The following PPP1R21 variants were observed in gnomAD, a reference collection of about 807,000 sequenced individuals.
PPP1R21 encodes the protein KLRAQ motif containing 1.
In PPP1R21, 85 loss-of-function variants were observed where a neutral mutation model predicts 112.8. The observed-to-expected ratio is 0.75, with a 90% CI of 0.63 to 0.90. The LOEUF (loss-of-function observed/expected upper bound fraction) is 0.90, where lower values mean the gene tolerates loss of function less well. Among genes scored for constraint, PPP1R21 ranks in the 40% least tolerant of loss-of-function variants. PPP1R21 has a pLI of 0.00. For synonymous variants in PPP1R21, 381 were observed against 322.3 expected (o/e 1.18, Z -1.95); for missense variants, 1,199 against 901.5 (o/e 1.33, Z -4.23).
chr2:48,507,805 G>T (rs1326587296), intron 19 of PPP1R21, among the ~76,000 whole-genome samples: 2 of 87,788 alleles, frequency 2.3e-5, no homozygotes, highest in Non-Finnish European at 4.0e-5. Flanking sequence ...TTGCTATGTT[G>T]CTCAGGCTAC....
chr2:48,468,452 A>G (rs112400309), intron 9 of PPP1R21, among the ~76,000 whole-genome samples: 2,465 of 152,312 alleles, frequency 0.016, 33 homozygotes, highest in Non-Finnish European at 0.027. Context: ...GAAGATCTGG[A>G]TAGGGAAGAC....
rs900520281 is a variant in PPP1R21, at chr2:48,501,975, C to G, written c.1935+3240C>G. Reference sequence around the variant, plus strand: ...AGGTCATTTTTGAGCAGGGACCATGCTAATTTCTGTATCGTTCCAATTTTA... The same window carrying G: ...AGGTCATTTTTGAGCAGGGACCATGGTAATTTCTGTATCGTTCCAATTTTA... On this transcript the variant is annotated intron_variant, in intron 17 of 21. Transcript: ENST00000294952. The G allele has an allele frequency of 1.9e-4, 29 of 152,108 alleles. 1 individual carries two copies. The highest frequency in any genetic ancestry group is 6.5e-4 in the African/African-American group (27 of 41,408). The allele number at this position is 152,108 out of a possible 1,614,324, so 9.4% of individuals were successfully genotyped here. A position where few individuals can be genotyped will look rare whatever the true frequency, so the allele number is the denominator to read the frequency against.
chr2:48,471,441 T>A, intron 11 of PPP1R21, 74 bp downstream of exon 11: 1 of 1,389,722 alleles, frequency 7.2e-7, no homozygotes, highest in Non-Finnish European at 9.7e-7. Context: ...TAATAAAATA[T>A]TAACATGTGC....
In PPP1R21 at chr2:48,507,460, T is replaced by C. The variant is rs143814310; in HGVS notation, c.2085+75T>C. 6.2e-5 allele frequency: 96 copies of C among 1,546,030 alleles called. No individual in the cohort carries two copies. In the African/African-American group the frequency reaches 1.1e-3, roughly 18 times the overall value. On this transcript the variant is annotated intron_variant, in intron 19 of 21. Coordinates refer to ENST00000294952, the MANE Select transcript of PPP1R21 (RefSeq NM_001135629.3). ...GAGTTAGGACACTGTCCTGTTTTCA[T>C]GCTGTTCACTGTAAGAGAGAAGTCA...
At position 48,471,361 on chromosome 2, in the gene PPP1R21, T is replaced by C. The variant is rs1315336565; in HGVS notation, c.1082T>C (p.Leu361Ser). The C allele has an allele frequency of 1.2e-6, 2 of 1,606,680 alleles. No individual in the cohort carries two copies. Among genetic ancestry groups the C allele is most frequent in the Admixed American group, 1.7e-5 (1 of 58,368 alleles). Residue 361 changes from leucine to serine, a missense_variant, in exon 11 of 22, where the codon TTA (leucine) becomes TCA (serine). Coordinates refer to ENST00000294952, the MANE Select transcript of PPP1R21 (RefSeq NM_001135629.3). The part of the protein sequence containing the change: ...CFLRKILPYQ[L>S]KSLEEECESS... Reference sequence around the variant, plus strand: ...CTTAGGAAGATTCTTCCCTATCAGTTAAAAAGGTAGTTACCCCCGGAGGCC... The same window carrying C: ...CTTAGGAAGATTCTTCCCTATCAGTCAAAAAGGTAGTTACCCCCGGAGGCC...
intron 14 of PPP1R21, 73 bp from the exon 15 acceptor site, chr2:48,490,944 CA>C: frequency 7.5e-7 from 1 of 1,332,588 alleles, no homozygotes; most frequent in Non-Finnish European, 1.1e-6. Context: ...AACTTTGCTG[CA>C]AAAACTATTA....
In PPP1R21 at chr2:48,486,518, G is replaced by T. The variant is rs1055537693; in HGVS notation, c.1319-113G>T. ...ATCCTGACACTTGAGACCATTCTTT[G>T]TCAAATTTACTTTATAAATTTAGAA... On this transcript the variant is annotated intron_variant, in intron 13 of 21. Transcript: ENST00000294952. 6 of 800,052 alleles carry T rather than the reference G, an allele frequency of 7.5e-6. No homozygotes were observed. The African/African-American group carries it at 1.0e-4, about 14-fold the overall frequency. 49.6% of individuals were successfully genotyped at this position (800,052 alleles called of 1,614,324 possible).
At chr2:48,508,473 G>A (rs1488550375) in intron 19 of PPP1R21, among the ~76,000 whole-genome samples, 1 of 152,214 alleles carries the variant, frequency 6.6e-6, no homozygotes, top group East Asian at 1.9e-4. Flanking sequence ...GCTTAGCTCA[G>A]TGTTGTTCAC....
chr2:48,462,049 T>G (rs755331216), intron 7 of PPP1R21, among the ~76,000 whole-genome samples: 6 of 152,252 alleles, frequency 3.9e-5, no homozygotes, highest in Admixed American at 1.3e-4. Flanking sequence ...TCTACATTAA[T>G]GTAAATACTA....
chr2:48,509,880 T>TA (rs1181757326), intron 19 of PPP1R21, 135 bp from the exon 20 acceptor site: 2 of 576,216 alleles, frequency 3.5e-6, no homozygotes, highest in Non-Finnish European at 6.3e-6. Context: ...ACAATGCCTA[T>TA]AGGTATTCAA....
chr2:48,494,239 C>CAAAAAAA (rs70943345), intron 15 of PPP1R21, among the ~76,000 whole-genome samples: 1 of 42,270 alleles, frequency 2.4e-5, no homozygotes, highest in Non-Finnish European at 3.6e-5. Context: ...GACCTTGTCT[C>CAAAAAAA]AAAAAAAAAA....
chr2:48,479,870 A>G (rs372129232), intron 12 of PPP1R21, 54 bp from the exon 13 acceptor site: 21 of 1,054,382 alleles, frequency 2.0e-5, no homozygotes, highest in Non-Finnish European at 3.1e-5. Context: ...GAGGGATACA[A>G]TGGGCAGTCC....
chr2:48,500,171 G>A (rs1431088922), intron 17 of PPP1R21, among the ~76,000 whole-genome samples: 1 of 152,114 alleles, frequency 6.6e-6, no homozygotes, highest in East Asian at 1.9e-4. Flanking sequence ...CAGAACCTCA[G>A]ATGATTGTGA....
In PPP1R21 at chr2:48,458,195, A is replaced by C; in HGVS notation, c.343A>C (p.Lys115Gln). The change falls in exon 4 of 22, where the codon AAG (lysine) becomes CAG (glutamine). Residue 115 changes from lysine (K) to glutamine (Q), a missense_variant. Coordinates refer to ENST00000294952, the MANE Select transcript of PPP1R21 (RefSeq NM_001135629.3). ...TGTCTTTGATGAAGATCTGCAAAAG[A>C]AGATAGAAGAGAATGAACGGTTGCA... is the stretch of plus-strand genomic sequence containing the variant. Reference protein sequence around the residue: ...KSVFDEDLQKKIEENERLHIQ... With the variant: ...KSVFDEDLQKQIEENERLHIQ... 1 of 1,612,150 alleles carries C rather than the reference A, an allele frequency of 6.2e-7. No individual in the cohort carries two copies. Among genetic ancestry groups the C allele is most frequent in the Non-Finnish European group, 8.5e-7 (1 of 1,178,684 alleles).
At chr2:48,461,341 A>G in intron 7 of PPP1R21, 109 bp downstream of exon 7, 2 of 1,344,628 alleles carry the variant, frequency 1.5e-6, no homozygotes, top group Non-Finnish European at 1.9e-6. Context: ...AATTGGCCCC[A>G]CAGAAGATTG....
intron 17 of PPP1R21, among the ~76,000 whole-genome samples, chr2:48,504,354 G>T (rs1358663524): frequency 6.6e-6 from 1 of 152,108 alleles, no homozygotes; most frequent in Non-Finnish European, 1.5e-5. Context: ...CATTAAAACT[G>T]TCTATTGACT....
At position 48,489,599 on chromosome 2, in the gene PPP1R21, C is replaced by T. The variant is rs962335707; in HGVS notation, c.1447-1419C>T. On this transcript the variant is annotated intron_variant, in intron 14 of 21. Transcript: ENST00000294952. ...AAGCAGTACCCCTGCCTCAGCCTCT[C>T]AAAGTGTTGGGATTACAGGCGTGAG... 5.9e-5 allele frequency among the ~76,000 whole-genome samples: 9 copies of T among 151,842 alleles called. No homozygotes were observed. In the East Asian group the frequency reaches 1.8e-3, roughly 30 times the overall value.
chr2:48,497,161 G>C lies in PPP1R21; in HGVS notation c.1693-1332G>C, dbSNP rs191127818. Among the ~76,000 whole-genome samples the C allele has an allele frequency of 3.6e-4, 55 of 152,300 alleles. 1 individual carries two copies. The highest frequency in any genetic ancestry group is 4.4e-5 in the Non-Finnish European group (3 of 68,034). ...TTTTTGGGAACTGAGCTCACAATCT[G>C]TGGGATCTCACACTATCTCCATGTA... On this transcript the variant is annotated intron_variant, in intron 16 of 21. Coordinates refer to ENST00000294952, the MANE Select transcript of PPP1R21 (RefSeq NM_001135629.3).
intron 15 of PPP1R21, among the ~76,000 whole-genome samples, chr2:48,494,218 C>T (rs1409293095): frequency 1.0e-4 from 11 of 108,428 alleles, no homozygotes; most frequent in African/African-American, 2.6e-4. Context: ...CAGCCCAGGG[C>T]GACAAAGTGA....
Sources: allele counts gnomAD v4.1 joint callset (sites outside exome capture counted in the v4.1 genomes callset), GRCh38; gene constraint gnomAD v4.1.1; transcripts MANE v1.5; gene names NCBI Gene and HGNC (gene_info 2026-07-23, HGNC 2026-07-21).